LGSN: variants seen among roughly 807,000 people sequenced by gnomAD.
The protein encoded by LGSN is lengsin, lens protein with glutamine synthetase domain.
A neutral mutation model predicts 19.5 loss-of-function variants in LGSN; 21 were observed. That is an observed-to-expected ratio of 1.07 (90% CI 0.76 to 1.55). The LOEUF is 1.55. LGSN is among the 40% of genes most tolerant of loss of function. The pLI is 0.00. For missense variants in LGSN, 673 were observed against 608.5 expected (o/e 1.11, Z -1.12); for synonymous variants, 257 against 215.6 (o/e 1.19, Z -1.68).
At chr6:63,432,375 T>C in the LGSN span, among the ~76,000 whole-genome samples, 1 of 152,074 alleles carries the variant, frequency 6.6e-6, no homozygotes, top group African/African-American at 2.4e-5. Context: ...TAGATAGGGC[T>C]GCTATGTGTC....
chr6:63,389,736 T>C, the LGSN span, among the ~76,000 whole-genome samples: 2 of 152,196 alleles, frequency 1.3e-5, no homozygotes, highest in Non-Finnish European at 2.9e-5. Flanking sequence ...ATGAATCTAC[T>C]AATGGAGACG....
intron 1 of LGSN, among the ~76,000 whole-genome samples, chr6:63,317,021 G>C (rs1768893384): frequency 1.3e-5 from 2 of 152,088 alleles, no homozygotes; most frequent in Non-Finnish European, 1.5e-5. Context: ...TAATAGGCTA[G>C]AAGTGGATGG....
At chr6:63,364,886 A>G in the LGSN span, among the ~76,000 whole-genome samples, 1 of 152,222 alleles carries the variant, frequency 6.6e-6, no homozygotes, top group Non-Finnish European at 1.5e-5. Flanking sequence ...CTTTGAACCA[A>G]TGAGAACAAA....
At chr6:63,425,742 C>T in the LGSN span, among the ~76,000 whole-genome samples, 12 of 151,790 alleles carry the variant, frequency 7.9e-5, no homozygotes, top group Non-Finnish European at 1.8e-4. Context: ...GAGGCTGGGG[C>T]AGGAGGATTG....
At chr6:63,467,164 C>T in the LGSN span, among the ~76,000 whole-genome samples, 8 of 152,022 alleles carry the variant, frequency 5.3e-5, no homozygotes, top group Middle Eastern at 3.4e-3. Flanking sequence ...AGAATTTGTA[C>T]GTATCAGGAA....
At chr6:63,524,046 A>G in the LGSN span, among the ~76,000 whole-genome samples, 4 of 151,938 alleles carry the variant, frequency 2.6e-5, no homozygotes, top group Non-Finnish European at 4.4e-5. Flanking sequence ...CAATGGTGCC[A>G]TCTTGGCTCA....
At chr6:63,445,149 A>G in the LGSN span, among the ~76,000 whole-genome samples, 1 of 150,724 alleles carries the variant, frequency 6.6e-6, no homozygotes, top group Non-Finnish European at 1.5e-5. Flanking sequence ...CATCTCTACA[A>G]AAAATGCAAA....
At chr6:63,526,833 A>ATATATATT in the LGSN span, among the ~76,000 whole-genome samples, 46 of 128,026 alleles carry the variant, frequency 3.6e-4, no homozygotes, top group African/African-American at 6.5e-4. Context: ...ATATATATAT[A>ATATATATT]TATTTATTTA....
At chr6:63,317,750 C>G (rs543481346) in intron 1 of LGSN, among the ~76,000 whole-genome samples, 241 of 152,204 alleles carry the variant, frequency 1.6e-3, no homozygotes, top group Non-Finnish European at 2.9e-3. Flanking sequence ...CACTTCATGC[C>G]CCCAACAGAT....
the LGSN span, among the ~76,000 whole-genome samples, chr6:63,460,284 T>C: frequency 6.6e-6 from 1 of 151,866 alleles, no homozygotes; most frequent in Admixed American, 6.6e-5. Flanking sequence ...ATTACCCTTC[T>C]ACTTCTGACC....
the LGSN span, among the ~76,000 whole-genome samples, chr6:63,527,239 A>G: frequency 6.6e-6 from 1 of 152,188 alleles, no homozygotes. Context: ...TGCACATTTT[A>G]AACAGAGCAC....
chr6:63,508,984 G>C, the LGSN span, among the ~76,000 whole-genome samples: 1 of 150,358 alleles, frequency 6.7e-6, no homozygotes, highest in Admixed American at 6.6e-5. Context: ...AGTTACAGGT[G>C]TTCACCTTAT....
the LGSN span, among the ~76,000 whole-genome samples, chr6:63,352,876 A>G: frequency 6.6e-6 from 1 of 152,068 alleles, no homozygotes; most frequent in Non-Finnish European, 1.5e-5. Flanking sequence ...TAATGCCACA[A>G]TATGACCTCA....
the LGSN span, among the ~76,000 whole-genome samples, chr6:63,344,857 T>C: frequency 2.0e-5 from 3 of 152,198 alleles, no homozygotes; most frequent in Non-Finnish European, 4.4e-5. Context: ...GCATTTATAG[T>C]TAAGATACTA....
At chr6:63,418,377 A>G in the LGSN span, among the ~76,000 whole-genome samples, 2 of 152,124 alleles carry the variant, frequency 1.3e-5, no homozygotes, top group East Asian at 3.9e-4. Flanking sequence ...CCTGGCCAAC[A>G]TGGTGAAACC....
chr6:63,481,313 A>G, the LGSN span, among the ~76,000 whole-genome samples: 5 of 152,072 alleles, frequency 3.3e-5, no homozygotes, highest in South Asian at 6.2e-4. Flanking sequence ...TATCTAATTC[A>G]TGCATGCAAC....
chr6:63,446,304 A>G, the LGSN span, among the ~76,000 whole-genome samples: 2 of 149,910 alleles, frequency 1.3e-5, no homozygotes, highest in Non-Finnish European at 3.0e-5. Flanking sequence ...CACCTCACTG[A>G]CTGGATTGCC....
chr6:63,461,438 A>G, the LGSN span, among the ~76,000 whole-genome samples: 5 of 152,206 alleles, frequency 3.3e-5, no homozygotes, highest in Admixed American at 2.6e-4. Context: ...AGCCTGAGCT[A>G]AAGGATAATT....
the LGSN span, chr6:63,396,844 GATA>G: frequency 6.5e-6 from 1 of 152,816 alleles, no homozygotes; most frequent in East Asian, 1.9e-4. Flanking sequence ...AGGATTCAGT[GATA>G]ATACCAAGCA....
Sources: allele counts gnomAD v4.1 joint callset (sites outside exome capture counted in the v4.1 genomes callset), GRCh38; gene constraint gnomAD v4.1.1; transcripts MANE v1.5; gene names NCBI Gene and HGNC (gene_info 2026-07-23, HGNC 2026-07-21).